Variants in TAB2 observed in about 807,000 individuals in gnomAD.
TAB2 encodes TGF-beta activated kinase 1 (MAP3K7) binding protein 2.
A neutral mutation model predicts 65.0 loss-of-function variants in TAB2; 3 were observed. The ratio of observed to expected loss-of-function variants is 0.05; its 90% CI spans 0.02 to 0.12. The LOEUF is 0.12. TAB2 is among the 10% of genes least tolerant of loss of function. TAB2 has a pLI of 1.00. For missense variants in TAB2, 623 were observed against 840.3 expected, an observed-to-expected ratio of 0.74 and a Z score of 3.20; for synonymous variants, 298 against 285.1, an observed-to-expected ratio of 1.05 and a Z score of -0.46.
intron 1 of TAB2, among the ~76,000 whole-genome samples, chr6:149,319,920 C>T (rs1476524819): frequency 6.6e-6 from 1 of 152,100 alleles, no homozygotes; most frequent in Non-Finnish European, 1.5e-5. Context: ...ATGGTCAGAA[C>T]CTCATCAAAT....
chr6:149,396,024 C>G (rs543055980), intron 3 of TAB2, among the ~76,000 whole-genome samples: 1 of 152,144 alleles, frequency 6.6e-6, no homozygotes, highest in Non-Finnish European at 1.5e-5. Flanking sequence ...CTGTCTCCCC[C>G]TACCCGCCCC....
At chr6:149,261,773 T>G (rs6937786) in intron 1 of TAB2, among the ~76,000 whole-genome samples, 1 of 152,112 alleles carries the variant, frequency 6.6e-6, no homozygotes, top group Non-Finnish European at 1.5e-5. Context: ...CTGATCCAGC[T>G]GAGACACAGT....
chr6:149,405,863 A>G (rs1272514312), intron 6 of TAB2, among the ~76,000 whole-genome samples: 1 of 152,144 alleles, frequency 6.6e-6, no homozygotes, highest in East Asian at 1.9e-4. Context: ...TTATTATATA[A>G]CTGAAATTTG....
At chr6:149,262,011 A>G (rs1778161713) in intron 1 of TAB2, among the ~76,000 whole-genome samples, 1 of 152,244 alleles carries the variant, frequency 6.6e-6, no homozygotes, top group East Asian at 1.9e-4. Context: ...TAGCAGTTCA[A>G]GCTCAGCAAA....
upstream of TAB2, among the ~76,000 whole-genome samples, chr6:149,315,036 CCCAAAT>C (rs1779226992): frequency 6.6e-6 from 1 of 151,946 alleles, no homozygotes; most frequent in Non-Finnish European, 1.5e-5. Context: ...CTATTTTTGT[CCCAAAT>C]CCAAATAGAT....
chr6:149,283,173 G>T (rs1161606304), intron 1 of TAB2, among the ~76,000 whole-genome samples: 1 of 152,192 alleles, frequency 6.6e-6, no homozygotes, highest in Non-Finnish European at 1.5e-5. Context: ...TCCCGCTAGG[G>T]TTGGCCTGCA....
chr6:149,253,958 AAAAGAAAG>A (rs545364740), intron 1 of TAB2, among the ~76,000 whole-genome samples: 2,828 of 76,010 alleles, frequency 0.037, 132 homozygotes, highest in African/African-American at 0.063. Flanking sequence ...GAAAGAAAGA[AAAAGAAAG>A]AAAGAAAGAA....
chr6:149,271,654 G>T (rs1339376316), intron 1 of TAB2, among the ~76,000 whole-genome samples: 1 of 152,074 alleles, frequency 6.6e-6, no homozygotes, highest in African/African-American at 2.4e-5. Flanking sequence ...ACTTGAAAAT[G>T]AACTATTTAG....
chr6:149,241,614 A>G (rs1024844499), intron 1 of TAB2, among the ~76,000 whole-genome samples: 1 of 152,194 alleles, frequency 6.6e-6, no homozygotes, highest in Non-Finnish European at 1.5e-5. Context: ...AATGAGATTA[A>G]ATCAAAAGCA....
intron 1 of TAB2, among the ~76,000 whole-genome samples, chr6:149,295,404 T>TC (rs1375537638): frequency 6.6e-6 from 1 of 152,244 alleles, no homozygotes; most frequent in Non-Finnish European, 1.5e-5. Flanking sequence ...TCATCTGTAA[T>TC]CTGTGAATTG....
chr6:149,246,508 A>G (rs1312796103), intron 1 of TAB2: 3 of 152,252 alleles, frequency 2.0e-5, no homozygotes, highest in Non-Finnish European at 4.4e-5. Flanking sequence ...CTATTCGACC[A>G]TAGCCTTTTA....
In TAB2 at chr6:149,370,164, A is replaced by G. The variant is rs1781173504; in HGVS notation, c.102+65A>G. 2.2e-6 allele frequency: 3 copies of G among 1,358,790 alleles called. No individual in the cohort carries two copies. The Admixed American group carries it at 5.2e-5, about 24-fold the overall frequency. The allele number at this position is 1,358,790 out of a possible 1,614,324, so 84.2% of individuals were successfully genotyped here. ...TGGTATTTTTTTAAACATTGGAAGA[A>G]AAACTCTTTTAGGTTATCTTCTTGT... On this transcript the variant is annotated intron_variant, in intron 2 of 6. Coordinates refer to ENST00000637181, the MANE Select transcript of TAB2 (RefSeq NM_001292034.3).
At chr6:149,219,097 G>T (rs1453710376) in intron 1 of TAB2, among the ~76,000 whole-genome samples, 1 of 152,058 alleles carries the variant, frequency 6.6e-6, no homozygotes. Flanking sequence ...ATAGTCTCTG[G>T]GGATGATTGG....
At chr6:149,262,995 G>T (rs963092331) in intron 1 of TAB2, among the ~76,000 whole-genome samples, 4 of 151,942 alleles carry the variant, frequency 2.6e-5, no homozygotes, top group African/African-American at 9.7e-5. Context: ...TATAGAGGTG[G>T]GTTTTCACTC....
chr6:149,407,723 C>A lies in TAB2; in HGVS notation c.1940-1854C>A, dbSNP rs78333299. 4.5e-3 allele frequency among the ~76,000 whole-genome samples: 679 copies of A among 151,336 alleles called. 6 individuals are homozygous for A. The highest frequency in any genetic ancestry group is 0.015 in the African/African-American group (630 of 41,262). ...ATGTGTTTAGACCATTGTTTGTGAT[C>A]TAATTTCCTCTTTTTTCCAATTTTG... is the stretch of plus-strand genomic sequence containing the variant. On this transcript the variant is annotated intron_variant, in intron 6 of 6. Coordinates refer to ENST00000637181, the MANE Select transcript of TAB2 (RefSeq NM_001292034.3).
At position 149,310,570 on chromosome 6, in the gene TAB2, T is replaced by A. The variant is rs573342039; in HGVS notation, c.-120-67448T>A. The stretch of plus-strand genomic sequence containing the variant: ...ATAGGCTGGAAAATAATATATATAT[T>A]TTTTTTAAAATTGCATTTACATGAT... On this transcript the variant is annotated intron_variant, in intron 1 of 1. Transcript: ENST00000606202. Among the ~76,000 whole-genome samples the A allele has an allele frequency of 6.4e-4, 76 of 118,700 alleles. No individual in the cohort carries two copies. In the South Asian group the frequency reaches 7.9e-3, roughly 12 times the overall value. 77.9% of individuals were successfully genotyped at this position (118,700 alleles called of 152,430 possible).
chr6:149,385,214 G>A (rs546772665), intron 3 of TAB2, among the ~76,000 whole-genome samples: 2 of 152,282 alleles, frequency 1.3e-5, no homozygotes, highest in East Asian at 1.9e-4. Flanking sequence ...AATAAAAAAT[G>A]TTTATTGTGG....
chr6:149,387,561 C>T (rs183261574), intron 3 of TAB2, among the ~76,000 whole-genome samples: 1 of 152,152 alleles, frequency 6.6e-6, no homozygotes, highest in African/African-American at 2.4e-5. Flanking sequence ...GGTTCTTTTT[C>T]AAGATAGGCT....
chr6:149,218,455 AAAG>A (rs1405476276), upstream of TAB2, among the ~76,000 whole-genome samples: 3 of 152,372 alleles, frequency 2.0e-5, no homozygotes, highest in East Asian at 5.8e-4. Flanking sequence ...AGAACAAGCA[AAAG>A]AAGAGTGGCA....
Sources: allele counts gnomAD v4.1 joint callset (sites outside exome capture counted in the v4.1 genomes callset), GRCh38; gene constraint gnomAD v4.1.1; transcripts MANE v1.5; gene names NCBI Gene and HGNC (gene_info 2026-07-23, HGNC 2026-07-21).